The following PDE10A variants were observed in gnomAD, a reference collection of about 807,000 sequenced individuals.
The protein encoded by PDE10A is phosphodiesterase 10A, also known as cAMP and cAMP-inhibited cGMP 3',5'-cyclic phosphodiesterase 10A.
Under a neutral mutation model 97.7 loss-of-function variants are expected in PDE10A, and 39 were observed. The observed-to-expected ratio is 0.40, with a 90% CI of 0.31 to 0.52. The LOEUF is 0.52. Ranked by LOEUF, PDE10A falls within the 20% of genes least tolerant of loss-of-function variation. The pLI is 0.56. For synonymous variants in PDE10A, 371 were observed against 376.8 expected (o/e 0.98, Z 0.18); for missense variants, 731 against 1,047.8 (o/e 0.70, Z 4.17).
chr6:165,512,443 TA>T (rs908870057), intron 2 of PDE10A, among the ~76,000 whole-genome samples: 11 of 151,632 alleles, frequency 7.3e-5, no homozygotes, highest in East Asian at 5.8e-4. Context: ...TGACAAGTTT[TA>T]AAAAAAAATT....
In PDE10A at chr6:165,331,521, A is replaced by G. The variant is rs972074968; in HGVS notation, c.*1504T>C. On this transcript the variant is annotated 3_prime_UTR_variant, in exon 22 of 22. Transcript: ENST00000539869. ...TATGGTGGTAAATATGTAGAAGCATATTTTTCCATTTTATTAAAAGCGATA... is the reference window on the plus strand; with the variant it reads ...TATGGTGGTAAATATGTAGAAGCATGTTTTTCCATTTTATTAAAAGCGATA... 6.6e-6 allele frequency: 1 copy of G among 152,122 alleles called. No individual in the cohort carries two copies. Among genetic ancestry groups the G allele is most frequent in the Non-Finnish European group, 1.5e-5 (1 of 68,010 alleles). 9.4% of individuals were successfully genotyped at this position (152,122 alleles called of 1,614,324 possible).
intron 13 of PDE10A, among the ~76,000 whole-genome samples, chr6:165,396,845 T>G (rs1208897662): frequency 1.3e-5 from 2 of 152,222 alleles, no homozygotes; most frequent in East Asian, 3.8e-4. Flanking sequence ...TATTTCTCAA[T>G]CTGTTACAAC....
intron 5 of PDE10A, among the ~76,000 whole-genome samples, chr6:165,441,999 C>G (rs965292554): frequency 1.3e-5 from 2 of 151,986 alleles, no homozygotes; most frequent in Non-Finnish European, 2.9e-5. Flanking sequence ...TTCTAATTTT[C>G]ATTATATCTA....
chr6:165,705,330 C>T (rs1478610020), intron 1 of PDE10A, among the ~76,000 whole-genome samples: 1 of 152,256 alleles, frequency 6.6e-6, no homozygotes, highest in Non-Finnish European at 1.5e-5. Context: ...ACTGCTCCAG[C>T]TGCCTACAAA....
chr6:165,860,908 A>G (rs938394630), intron 1 of PDE10A, among the ~76,000 whole-genome samples: 3 of 152,214 alleles, frequency 2.0e-5, no homozygotes, highest in African/African-American at 7.2e-5. Context: ...GTAAGGTAAC[A>G]GCTTAAAAAC....
intron 1 of PDE10A, among the ~76,000 whole-genome samples, chr6:165,785,535 C>T (rs950104459): frequency 1.3e-5 from 2 of 152,178 alleles, no homozygotes; most frequent in Admixed American, 1.3e-4. Context: ...TATCGTTATG[C>T]TTTTGTGTGT....
intron 1 of PDE10A, among the ~76,000 whole-genome samples, chr6:165,593,857 T>C (rs1042027026): frequency 1.3e-5 from 2 of 152,210 alleles, no homozygotes; most frequent in Non-Finnish European, 2.9e-5. Context: ...TCAGATTCCT[T>C]GTTCAGGCAT....
chr6:165,691,106 T>TCTCTCTCTCTCTCCC (rs143783728), intron 1 of PDE10A, among the ~76,000 whole-genome samples: 1 of 39,130 alleles, frequency 2.6e-5, no homozygotes, highest in Non-Finnish European at 4.5e-5. Flanking sequence ...TCTTTCTCTC[T>TCTCTCTCTCTCTCCC]CCCCCCCCCC....
At chr6:165,833,591 A>C (rs531367680) in intron 1 of PDE10A, among the ~76,000 whole-genome samples, 1 of 152,358 alleles carries the variant, frequency 6.6e-6, no homozygotes, top group Non-Finnish European at 1.5e-5. Context: ...AGTGCCCCAG[A>C]GCCCATCAAG....
intron 1 of PDE10A, among the ~76,000 whole-genome samples, chr6:165,918,008 C>G (rs1181702899): frequency 6.6e-6 from 1 of 152,202 alleles, no homozygotes; most frequent in Non-Finnish European, 1.5e-5. Flanking sequence ...AAAATCAATT[C>G]CCTTAGTATT....
intron 14 of PDE10A, among the ~76,000 whole-genome samples, chr6:165,395,692 C>G (rs1786110601): frequency 6.6e-6 from 1 of 152,168 alleles, no homozygotes; most frequent in Middle Eastern, 3.4e-3. Flanking sequence ...AGAGTTATTA[C>G]CTATTTTTCA....
At chr6:165,406,921 C>A (rs571963788) in intron 13 of PDE10A, among the ~76,000 whole-genome samples, 11 of 152,226 alleles carry the variant, frequency 7.2e-5, no homozygotes, top group African/African-American at 2.6e-4. Flanking sequence ...ACCAGCTGCA[C>A]CCCAGCTTCT....
At chr6:165,845,407 G>A (rs540347284) in intron 1 of PDE10A, among the ~76,000 whole-genome samples, 3 of 152,328 alleles carry the variant, frequency 2.0e-5, no homozygotes, top group African/African-American at 7.2e-5. Flanking sequence ...GAAGGTCAAG[G>A]TTATGATGGC....
intron 1 of PDE10A, among the ~76,000 whole-genome samples, chr6:165,626,036 C>T (rs1420870913): frequency 6.6e-6 from 1 of 152,106 alleles, no homozygotes; most frequent in East Asian, 1.9e-4. Context: ...TGCAGCCTCC[C>T]AACATTTAGA....
chr6:165,438,684 G>A (rs142398842), intron 5 of PDE10A, among the ~76,000 whole-genome samples: 225 of 152,224 alleles, frequency 1.5e-3, no homozygotes, highest in Non-Finnish European at 2.2e-3. Flanking sequence ...TGGCCTGGGC[G>A]CAGTAACTCA....
chr6:165,629,521 CTTTTTT>C (rs35760840), intron 1 of PDE10A, among the ~76,000 whole-genome samples: 6 of 131,668 alleles, frequency 4.6e-5, no homozygotes, highest in Non-Finnish European at 4.8e-5. Context: ...TATTAACAAC[CTTTTTT>C]TTTTTTTTTT....
chr6:165,379,770 T>TA (rs1470845626), intron 17 of PDE10A, among the ~76,000 whole-genome samples: 2 of 152,218 alleles, frequency 1.3e-5, no homozygotes, highest in Non-Finnish European at 2.9e-5. Flanking sequence ...ACTAGAACCT[T>TA]AATGGGCTAA....
intron 18 of PDE10A, among the ~76,000 whole-genome samples, chr6:165,372,099 T>C (rs1362643731): frequency 6.7e-6 from 1 of 149,492 alleles, no homozygotes; most frequent in African/African-American, 2.5e-5. Context: ...GAGCTATCTA[T>C]GACAAACCCA....
chr6:165,422,872 G>A (rs1562451618), intron 10 of PDE10A, among the ~76,000 whole-genome samples: 1 of 151,946 alleles, frequency 6.6e-6, no homozygotes, highest in East Asian at 1.9e-4. Flanking sequence ...ATTAATTTAA[G>A]AAACATGAAA....
Sources: gnomAD v4.1 joint callset for allele counts (sites outside exome capture counted in the v4.1 genomes callset) on GRCh38, gnomAD v4.1.1 for gene constraint, MANE v1.5 for transcripts, NCBI Gene and HGNC (gene_info 2026-07-23, HGNC 2026-07-21) for gene names.